MBNL1: variants seen among roughly 807,000 people sequenced by gnomAD.
MBNL1 encodes the protein muscleblind-like protein 1.
A neutral mutation model predicts 42.2 loss-of-function variants in MBNL1; 8 were observed. The observed-to-expected ratio is 0.19, with a 90% CI of 0.11 to 0.34. The LOEUF (loss-of-function observed/expected upper bound fraction) is 0.34. MBNL1 is among the 10% of genes least tolerant of loss of function. The pLI is 1.00. For missense variants in MBNL1, 309 were observed against 495.3 expected (o/e 0.62, Z 3.57); for synonymous variants, 169 against 173.9 (o/e 0.97, Z 0.22).
chr3:152,291,633 T>C (rs1037619180), intron 1 of MBNL1, among the ~76,000 whole-genome samples: 2 of 152,248 alleles, frequency 1.3e-5, no homozygotes, highest in Non-Finnish European at 2.9e-5. Context: ...TCTGTTTCTA[T>C]TAATGGAGAA....
intron 2 of MBNL1, among the ~76,000 whole-genome samples, chr3:152,325,052 C>A (rs1006662728): frequency 2.7e-5 from 3 of 109,116 alleles, no homozygotes; most frequent in Non-Finnish European, 3.5e-5. Context: ...TGGCAAATGA[C>A]TTCTTTTGAT....
chr3:152,292,459 A>C (rs918234854), intron 1 of MBNL1, among the ~76,000 whole-genome samples: 4 of 152,142 alleles, frequency 2.6e-5, no homozygotes, highest in African/African-American at 9.7e-5. Flanking sequence ...TAGGGAACCA[A>C]ACTGTTGAAT....
chr3:152,292,458 A>G (rs1387355977), intron 1 of MBNL1, among the ~76,000 whole-genome samples: 1 of 152,196 alleles, frequency 6.6e-6, no homozygotes, highest in African/African-American at 2.4e-5. Flanking sequence ...TTAGGGAACC[A>G]AACTGTTGAA....
chr3:152,378,566 G>A (rs1039707156), intron 2 of MBNL1, among the ~76,000 whole-genome samples: 23 of 151,968 alleles, frequency 1.5e-4, no homozygotes, highest in African/African-American at 5.6e-4. Context: ...CTTTTTAAAT[G>A]TACTTATATC....
At chr3:152,361,819 AG>A (rs1421082897) in intron 2 of MBNL1, among the ~76,000 whole-genome samples, 1 of 152,228 alleles carries the variant, frequency 6.6e-6, no homozygotes, top group African/African-American at 2.4e-5. Flanking sequence ...AGTGATTCAA[AG>A]GTGATTACTG....
chr3:152,398,510 G>A (rs1386437082), intron 2 of MBNL1, among the ~76,000 whole-genome samples: 3 of 152,128 alleles, frequency 2.0e-5, no homozygotes, highest in Admixed American at 1.3e-4. Flanking sequence ...AATATGGAGT[G>A]TATGTGTGTT....
At chr3:152,354,772 G>GATAA (rs2095385391) in intron 2 of MBNL1, among the ~76,000 whole-genome samples, 1 of 152,048 alleles carries the variant, frequency 6.6e-6, no homozygotes, top group Non-Finnish European at 1.5e-5. Flanking sequence ...TATTTTCAGA[G>GATAA]ATAAATACTT....
intron 1 of MBNL1, among the ~76,000 whole-genome samples, chr3:152,293,511 T>G (rs901266562): frequency 6.6e-6 from 1 of 152,226 alleles, no homozygotes; most frequent in Non-Finnish European, 1.5e-5. Context: ...TATGGACTTG[T>G]TGACACCAGT....
chr3:152,434,710 C>A (rs2099055282), intron 4 of MBNL1, among the ~76,000 whole-genome samples: 1 of 152,020 alleles, frequency 6.6e-6, no homozygotes, highest in African/African-American at 2.4e-5. Context: ...TGTCAACATT[C>A]ATTATTTTTT....
chr3:152,412,796 G>T (rs1226198687), intron 2 of MBNL1, among the ~76,000 whole-genome samples: 1 of 152,174 alleles, frequency 6.6e-6, no homozygotes, highest in Non-Finnish European at 1.5e-5. Context: ...GGAAGGTCTG[G>T]TTCATGGCCC....
intron 5 of MBNL1, among the ~76,000 whole-genome samples, chr3:152,446,254 ATGT>A (rs901662533): frequency 1.3e-5 from 2 of 152,200 alleles, no homozygotes; most frequent in South Asian, 4.1e-4. Context: ...ACCTGTTTTA[ATGT>A]TGTCATTTTT....
intron 2 of MBNL1, among the ~76,000 whole-genome samples, chr3:152,379,217 A>T (rs2097069683): frequency 6.6e-6 from 1 of 152,198 alleles, no homozygotes; most frequent in Admixed American, 6.5e-5. Context: ...TGGCAAATTG[A>T]TAGACTCTAC....
chr3:152,460,564 T>C lies in MBNL1; in HGVS notation c.*18+1219T>C, dbSNP rs190658938. The stretch of plus-strand genomic sequence containing the variant: ...CACCAGCATGGCACATGTATACATA[T>C]GTAACTAACCTGCACAATGTGCACA... On this transcript the variant is annotated intron_variant, in intron 9 of 9. Transcript: ENST00000324210. 2.0e-5 allele frequency among the ~76,000 whole-genome samples: 3 copies of C among 150,292 alleles called. No individual in the cohort carries two copies. The East Asian group carries it at 5.9e-4, about 30-fold the overall frequency.
Position 152,432,786 on chromosome 3 carries a change from C to A in MBNL1, c.415C>A (p.Pro139Thr). 6.2e-7 allele frequency: 1 copy of A among 1,614,192 alleles called. No individual in the cohort carries two copies. The change falls in exon 4 of 10, where the codon CCT becomes ACT. Residue 139 changes from proline to threonine, a missense_variant. Physicochemically the swap from Pro to Thr is conservative, Grantham distance 38. Transcript: ENST00000324210. ...AGCCGCCTTTAATCCCTATCTGGGACCTGTTTCTCCAAGCCTGGTCCCGGC... is the reference window on the plus strand; with the variant it reads ...AGCCGCCTTTAATCCCTATCTGGGAACTGTTTCTCCAAGCCTGGTCCCGGC... ...SAAAFNPYLG[P>T]VSPSLVPAEI...
chr3:152,345,901 T>G (rs1460279344), intron 2 of MBNL1, among the ~76,000 whole-genome samples: 1 of 152,142 alleles, frequency 6.6e-6, no homozygotes, highest in East Asian at 1.9e-4. Flanking sequence ...GAGGATCAAA[T>G]AAGTTAATAA....
At chr3:152,335,329 T>A (rs1181539705) in intron 2 of MBNL1, 2 of 1,157,542 alleles carry the variant, frequency 1.7e-6, no homozygotes, top group African/African-American at 3.2e-5. Flanking sequence ...GAAATGGCTT[T>A]TGGTATTCTG....
chr3:152,338,182 A>G lies in MBNL1; in HGVS notation c.174+37815A>G, dbSNP rs554081941. On this transcript the variant is annotated intron_variant, in intron 2 of 9. Coordinates refer to ENST00000324210, the MANE Select transcript of MBNL1 (RefSeq NM_021038.5). ...TATGTATGGGATGCTAGAATGGCCT[A>G]TCTCCATGTATTTTGTTGCATTTCT... 32 of 985,328 alleles carry G rather than the reference A, an allele frequency of 3.2e-5. 1 individual carries two copies. In the African/African-American group the frequency reaches 4.7e-4, roughly 15 times the overall value. The allele number at this position is 985,328 out of a possible 1,614,324, so 61.0% of individuals were successfully genotyped here.
At chr3:152,425,436 G>A (rs527296379) in intron 3 of MBNL1, among the ~76,000 whole-genome samples, 1 of 152,036 alleles carries the variant, frequency 6.6e-6, no homozygotes, top group Non-Finnish European at 1.5e-5. Context: ...GTGAAGCCCT[G>A]TCTCTACTAA....
rs138560727 is a variant in MBNL1, at chr3:152,336,564, C to T, written c.174+36197C>T. Among the ~76,000 whole-genome samples, 836 of 152,270 alleles carry T rather than the reference C, an allele frequency of 5.5e-3. 3 individuals are homozygous for T. Among genetic ancestry groups the T allele is most frequent in the Middle Eastern group, 0.024 (7 of 294 alleles). On this transcript the variant is annotated intron_variant, in intron 2 of 9. Coordinates refer to ENST00000324210, the MANE Select transcript of MBNL1 (RefSeq NM_021038.5). The stretch of plus-strand genomic sequence containing the variant: ...GTATTTTTAAAGGAAAATTTAGATT[C>T]CTCATTCTCTTATAAAATCCCAGTT...
Sources: allele counts gnomAD v4.1 joint callset (sites outside exome capture counted in the v4.1 genomes callset), GRCh38; gene constraint gnomAD v4.1.1; transcripts MANE v1.5; gene names NCBI Gene and HGNC (gene_info 2026-07-23, HGNC 2026-07-21).